The following CEP112 variants were observed in gnomAD, a reference collection of about 807,000 sequenced individuals.
The protein encoded by CEP112 is centrosomal protein 112, also known as centrosomal protein of 112 kDa.
Under a neutral mutation model 153.0 loss-of-function variants are expected in CEP112, and 127 were observed. The ratio of observed to expected loss-of-function variants is 0.83; its 90% CI spans 0.72 to 0.96. The LOEUF is 0.96. Ranked by LOEUF, CEP112 falls within the 40% of genes least tolerant of loss-of-function variation. The pLI, the probability that CEP112 is intolerant of heterozygous loss-of-function variation, is 0.00. For missense variants in CEP112, 1,089 were observed against 1,101.2 expected (o/e 0.99, Z 0.16); for synonymous variants, 358 against 374.4 (o/e 0.96, Z 0.51).
At chr17:65,937,612 G>A (rs1222632093) in intron 18 of CEP112, among the ~76,000 whole-genome samples, 3 of 97,850 alleles carry the variant, frequency 3.1e-5, no homozygotes, top group Admixed American at 1.3e-4. Context: ...GTCCGGGAGG[G>A]AGGTGGGGGG....
At chr17:66,027,599 T>C in intron 15 of CEP112, 39 bp from the exon 16 acceptor site, 1 of 1,165,534 alleles carries the variant, frequency 8.6e-7, no homozygotes, top group Non-Finnish European at 1.2e-6. Flanking sequence ...ATACTTTAAA[T>C]TATACTAGAG....
chr17:65,947,913 A>G (rs2061697942), intron 18 of CEP112, among the ~76,000 whole-genome samples: 1 of 152,190 alleles, frequency 6.6e-6, no homozygotes, highest in Non-Finnish European at 1.5e-5. Context: ...TTAAAATTAC[A>G]TGAGCTAATA....
At chr17:65,939,047 G>C (rs59013478) in intron 18 of CEP112, among the ~76,000 whole-genome samples, 1,703 of 152,152 alleles carry the variant, frequency 0.011, 34 homozygotes, top group African/African-American at 0.039. Context: ...CCTGACCTCA[G>C]ATGATTCACC....
rs746760695 is a variant in CEP112 at position 66,029,295 on chromosome 17, C to T, written c.1374-43G>A. The T allele has an allele frequency of 3.9e-6, 6 of 1,551,784 alleles. No individual in the cohort carries two copies. The South Asian group carries it at 7.1e-5, about 18-fold the overall frequency. ...AAATAGACTTTCAATGTATTTAAAACCAATCTCTAAAATGAAATTTTTTAA... is the reference window on the plus strand; with the variant it reads ...AAATAGACTTTCAATGTATTTAAAATCAATCTCTAAAATGAAATTTTTTAA... On this transcript the variant is annotated intron_variant, in intron 13 of 26. Transcript: ENST00000535342.
chr17:65,998,003 T>C (rs1050485161), intron 17 of CEP112, among the ~76,000 whole-genome samples: 24 of 152,168 alleles, frequency 1.6e-4, no homozygotes, highest in African/African-American at 2.7e-4. Context: ...AAAATGACTA[T>C]TGAAGATCTT....
At chr17:65,857,701 G>A (rs2058172108) in intron 20 of CEP112, among the ~76,000 whole-genome samples, 1 of 151,884 alleles carries the variant, frequency 6.6e-6, no homozygotes, top group South Asian at 2.1e-4. Flanking sequence ...TGACCTGAGG[G>A]ATTTTTTTTT....
At chr17:65,977,549 T>C (rs2145088561) in intron 17 of CEP112, among the ~76,000 whole-genome samples, 1 of 152,224 alleles carries the variant, frequency 6.6e-6, no homozygotes, top group Non-Finnish European at 1.5e-5. Context: ...CTAGACCCAA[T>C]GAATGTGGCA....
intron 18 of CEP112, among the ~76,000 whole-genome samples, chr17:65,938,867 A>G (rs567637456): frequency 1.3e-5 from 2 of 152,244 alleles, no homozygotes; most frequent in Admixed American, 1.3e-4. Flanking sequence ...GCTGGAGTGC[A>G]ATGGCAAGAT....
chr17:65,957,054 T>C lies in CEP112; in HGVS notation c.1872+4409A>G, dbSNP rs147058872. ...AGCAGGACGGCATGAGATTTCATCA[T>C]GTTACTAAGAACAGTGCACAATGTA... is the stretch of plus-strand genomic sequence containing the variant. On this transcript the variant is annotated intron_variant, in intron 18 of 26. Transcript: ENST00000535342. Among the ~76,000 whole-genome samples the C allele has an allele frequency of 8.5e-4, 130 of 152,316 alleles. 1 individual carries two copies. Among genetic ancestry groups the C allele is most frequent in the African/African-American group, 3.0e-3 (123 of 41,580 alleles).
intron 19 of CEP112, 119 bp from the exon 20 acceptor site, chr17:65,902,453 T>C: frequency 1.5e-6 from 1 of 672,684 alleles, no homozygotes; most frequent in Non-Finnish European, 2.3e-6. Context: ...TTTTACATCA[T>C]TATTACCTCA....
intron 24 of CEP112, among the ~76,000 whole-genome samples, chr17:65,646,118 T>C (rs986148195): frequency 6.6e-6 from 1 of 152,348 alleles, no homozygotes; most frequent in South Asian, 2.1e-4. Flanking sequence ...TTCTCTCTAG[T>C]AGGAGGCTAG....
intron 18 of CEP112, among the ~76,000 whole-genome samples, chr17:65,943,160 A>G (rs569541193): frequency 6.6e-6 from 1 of 152,312 alleles, no homozygotes; most frequent in Non-Finnish European, 1.5e-5. Flanking sequence ...ATAAACATTT[A>G]TTTCTGTGCC....
intron 23 of CEP112, among the ~76,000 whole-genome samples, chr17:65,705,409 T>G (rs1682412433): frequency 1.3e-5 from 2 of 152,224 alleles, no homozygotes; most frequent in Admixed American, 1.3e-4. Flanking sequence ...TCTGAATAAT[T>G]CAAGCGAATA....
intron 12 of CEP112, 56 bp from the exon 13 acceptor site, chr17:66,030,079 A>G: frequency 1.4e-6 from 2 of 1,459,842 alleles, no homozygotes; most frequent in South Asian, 2.5e-5. Context: ...ACACTTTTGT[A>G]TCTGTAAGAA....
intron 5 of CEP112, among the ~76,000 whole-genome samples, chr17:66,131,085 A>G (rs1038351013): frequency 2.6e-5 from 4 of 152,210 alleles, no homozygotes; most frequent in African/African-American, 9.6e-5. Flanking sequence ...TTGCTAACAA[A>G]TGTACCTATT....
At chr17:65,704,613 C>T (rs556776234) in intron 23 of CEP112, among the ~76,000 whole-genome samples, 3 of 152,218 alleles carry the variant, frequency 2.0e-5, no homozygotes, top group African/African-American at 4.8e-5. Flanking sequence ...TGTACATGGT[C>T]GTATCAGATC....
At chr17:66,130,405 G>C (rs540412932) in intron 5 of CEP112, among the ~76,000 whole-genome samples, 14 of 152,178 alleles carry the variant, frequency 9.2e-5, no homozygotes. Flanking sequence ...TGATGTCCAA[G>C]AAGCTCTTTG....
At chr17:66,171,797 A>T (rs1347291145) in intron 4 of CEP112, among the ~76,000 whole-genome samples, 1 of 152,252 alleles carries the variant, frequency 6.6e-6, no homozygotes, top group Admixed American at 6.5e-5. Flanking sequence ...TATTAAATTA[A>T]AAGAAACATA....
chr17:65,651,325 C>G (rs2045760946), intron 24 of CEP112, among the ~76,000 whole-genome samples: 1 of 152,146 alleles, frequency 6.6e-6, no homozygotes, highest in African/African-American at 2.4e-5. Context: ...GTTTCTTTAT[C>G]CACTCATTGA....
Sources: gnomAD v4.1 joint callset for allele counts (sites outside exome capture counted in the v4.1 genomes callset) on GRCh38, gnomAD v4.1.1 for gene constraint, MANE v1.5 for transcripts, NCBI Gene and HGNC (gene_info 2026-07-23, HGNC 2026-07-21) for gene names.